LVRN: variants seen among roughly 807,000 people sequenced by gnomAD.
LVRN encodes the protein laeverin.
LVRN carries 99 observed loss-of-function variants against 111.4 expected under a neutral mutation model. The ratio of observed to expected loss-of-function variants is 0.89; its 90% CI spans 0.76 to 1.05. The LOEUF (loss-of-function observed/expected upper bound fraction) is 1.05, where lower values mean the gene tolerates loss of function less well. Among genes scored for constraint, LVRN ranks in the 50% least tolerant of loss-of-function variants. The probability of loss-of-function intolerance (pLI) is 0.00; values close to 1 mark genes in which losing one functional copy is unlikely to be tolerated. For missense variants in LVRN, 1,414 were observed against 1,206.8 expected, an observed-to-expected ratio of 1.17 and a Z score of -2.54; for synonymous variants, 488 against 449.5, an observed-to-expected ratio of 1.09 and a Z score of -1.08.
chr5:115,971,473 CATT>C (rs1209528846), intron 1 of LVRN, among the ~76,000 whole-genome samples: 1 of 151,986 alleles, frequency 6.6e-6, no homozygotes. Flanking sequence ...GTGTATGATC[CATT>C]TTGAGTTAAT....
At chr5:116,002,955 TA>T (rs769710008) in intron 11 of LVRN, 44 bp downstream of exon 11, 1 of 1,399,534 alleles carries the variant, frequency 7.1e-7, no homozygotes, top group African/African-American at 1.5e-5. Context: ...TATGCATATG[TA>T]AAGGCAGGGA....
At chr5:115,990,998 A>C (rs10900709) in intron 4 of LVRN, among the ~76,000 whole-genome samples, 24,893 of 152,070 alleles carry the variant, frequency 0.16, 2,284 homozygotes, top group East Asian at 0.41. Flanking sequence ...TCCTGTTGTC[A>C]ACATCTTGCA....
chr5:115,963,542 T>G (rs887993746), intron 1 of LVRN, among the ~76,000 whole-genome samples: 1 of 152,250 alleles, frequency 6.6e-6, no homozygotes, highest in African/African-American at 2.4e-5. Context: ...TGTGCCATAT[T>G]GGTGTGCTGC....
chr5:116,026,399 T>A lies in LVRN; in HGVS notation c.*281T>A. 2.4e-6 allele frequency: 1 copy of A among 408,758 alleles called. No homozygotes were observed. 25.3% of individuals were successfully genotyped at this position (408,758 alleles called of 1,614,324 possible). On this transcript the variant is annotated 3_prime_UTR_variant, in exon 20 of 20. Transcript: ENST00000357872. ...CTTTAAATGTCACGTAAAAACAAAT[T>A]CACCTAAGATAGTCTTGCTTATTTT...
Position 116,026,201 on chromosome 5 carries a change from G to C in LVRN, c.*83G>C. 2 of 1,547,242 alleles carry C rather than the reference G, an allele frequency of 1.3e-6. No homozygotes were observed. The highest frequency in any genetic ancestry group is 2.3e-5 in the South Asian group (2 of 85,388). On this transcript the variant is annotated 3_prime_UTR_variant, in exon 20 of 20. Transcript: ENST00000357872. ...TTGTCTTCCAATACTTTGTGAGTCT[G>C]GAAAACCACACATTTTATTTGTATT... is the stretch of plus-strand genomic sequence containing the variant.
chr5:115,975,147 G>C (rs1465233822), intron 1 of LVRN: 1 of 438,874 alleles, frequency 2.3e-6, no homozygotes, highest in African/African-American at 2.1e-5. Context: ...ATGAGTCAAT[G>C]AACTGAATAT....
chr5:115,974,875 ATC>A (rs1753406266), intron 1 of LVRN: 1 of 416,226 alleles, frequency 2.4e-6, no homozygotes, highest in Non-Finnish European at 4.8e-6. Context: ...CTCCCGACCA[ATC>A]TCTCTGTTCT....
chr5:115,981,199 A>G (rs1404013480), intron 1 of LVRN, among the ~76,000 whole-genome samples: 1 of 152,198 alleles, frequency 6.6e-6, no homozygotes, highest in Non-Finnish European at 1.5e-5. Flanking sequence ...AAACTCTGCC[A>G]AAGTACTTTA....
intron 13 of LVRN, 133 bp downstream of exon 13, chr5:116,006,100 G>C: frequency 1.5e-6 from 1 of 650,422 alleles, no homozygotes; most frequent in Non-Finnish European, 2.5e-6. Context: ...ATGAAATTCT[G>C]TAGCTGCAAT....
At chr5:115,988,598 T>C (rs1204727648) in intron 4 of LVRN, among the ~76,000 whole-genome samples, 1 of 152,162 alleles carries the variant, frequency 6.6e-6, no homozygotes, top group Admixed American at 6.5e-5. Flanking sequence ...GACATGTTAG[T>C]TGAAGACTTG....
At chr5:116,002,977 G>A in intron 11 of LVRN, 66 bp downstream of exon 11, 1 of 1,298,490 alleles carries the variant, frequency 7.7e-7, no homozygotes, top group Non-Finnish European at 1.1e-6. Flanking sequence ...ATAAAATATT[G>A]AAAAGTCTAG....
intron 18 of LVRN, among the ~76,000 whole-genome samples, chr5:116,020,493 C>A (rs1224600686): frequency 1.3e-5 from 2 of 152,190 alleles, no homozygotes; most frequent in African/African-American, 4.8e-5. Flanking sequence ...ATGAATCTTA[C>A]CCTCTTCACT....
At chr5:116,003,579 T>C (rs972291234) in intron 12 of LVRN, among the ~76,000 whole-genome samples, 199 bp downstream of exon 12, 1 of 81,538 alleles carries the variant, frequency 1.2e-5, no homozygotes, top group East Asian at 3.5e-4. Flanking sequence ...TTTTTTTTTG[T>C]TTTTTTTGTT....
chr5:115,992,215 G>T lies in LVRN; in HGVS notation c.1198G>T (p.Asp400Tyr). Residue 400 changes from aspartate (D) to tyrosine (Y), a missense_variant, in exon 5 of 20, where the codon GAT (aspartate) becomes TAT (tyrosine). By Grantham distance (160) the Asp-to-Tyr change is radical. Coordinates refer to ENST00000357872, the MANE Select transcript of LVRN (RefSeq NM_173800.5). Reference protein sequence around the residue: ...DESGLLLEPKDQLTEKKTLIS... With the variant: ...DESGLLLEPKYQLTEKKTLIS... ...ATCAGGATTGTTGTTGGAACCAAAA[G>T]ATCAACTGACAGAAAAAAAGACTCT... 6.2e-7 allele frequency: 1 copy of T among 1,613,874 alleles called. No homozygotes were observed. Among genetic ancestry groups the T allele is most frequent in the East Asian group, 2.2e-5 (1 of 44,846 alleles).
intron 1 of LVRN, among the ~76,000 whole-genome samples, chr5:115,981,680 T>C (rs1753563295): frequency 6.6e-6 from 1 of 152,170 alleles, no homozygotes; most frequent in Non-Finnish European, 1.5e-5. Flanking sequence ...TATTCATTCT[T>C]TCTAACTGTT....
intron 19 of LVRN, chr5:116,023,701 A>G (rs764215664): frequency 6.6e-6 from 1 of 152,224 alleles, no homozygotes; most frequent in Non-Finnish European, 1.5e-5. Context: ...CACACAAAGT[A>G]AAACAAGAAT....
intron 18 of LVRN, 183 bp from the exon 19 acceptor site, chr5:116,022,208 C>A (rs1442649719): frequency 4.7e-5 from 24 of 508,044 alleles, no homozygotes; most frequent in Non-Finnish European, 8.1e-5. Context: ...TATTTAACTT[C>A]CTTAGTGTTA....
chr5:115,993,671 T>A (rs1748044349), intron 5 of LVRN, 70 bp from the exon 6 acceptor site: 1 of 958,790 alleles, frequency 1.0e-6, no homozygotes, highest in African/African-American at 1.7e-5. Context: ...TTACTTAACA[T>A]GCAATTACAA....
Position 116,025,993 on chromosome 5 carries a change from A to G in LVRN, c.2848A>G (p.Ser950Gly), listed in dbSNP as rs1277925686. ...LQIVELQQFF[S>G]NMLEEHQRIR... ...GTCCTTCCAGCTGCAGCAGTTTTTCAGTAACATGTTGGAGGAACACCAGAG... is the reference window on the plus strand; with the variant it reads ...GTCCTTCCAGCTGCAGCAGTTTTTCGGTAACATGTTGGAGGAACACCAGAG... The change falls in exon 20 of 20, where the codon AGT becomes GGT. Residue 950 changes from serine (S) to glycine (G), a missense_variant. Coordinates refer to ENST00000357872, the MANE Select transcript of LVRN (RefSeq NM_173800.5). The G allele has an allele frequency of 1.2e-6, 2 of 1,613,692 alleles. No homozygotes were observed. The highest frequency in any genetic ancestry group is 2.7e-5 in the African/African-American group (2 of 74,916).
Sources: allele counts gnomAD v4.1 joint callset (sites outside exome capture counted in the v4.1 genomes callset), GRCh38; gene constraint gnomAD v4.1.1; transcripts MANE v1.5; gene names NCBI Gene and HGNC (gene_info 2026-07-23, HGNC 2026-07-21).